The following KCNMA1 variants were observed in gnomAD, a reference collection of about 807,000 sequenced individuals.
KCNMA1 encodes the protein Calcium-activated potassium channel subunit alpha-1.
A neutral mutation model predicts 140.0 loss-of-function variants in KCNMA1; 29 were observed. That is an observed-to-expected ratio of 0.21 (90% CI 0.15 to 0.28). The LOEUF is 0.28. Ranked by LOEUF, KCNMA1 falls within the 10% of genes least tolerant of loss-of-function variation. The pLI, the probability that KCNMA1 is intolerant of heterozygous loss-of-function variation, is 1.00. For missense variants in KCNMA1, 880 were observed against 1,602.2 expected, an observed-to-expected ratio of 0.55 and a Z score of 7.70; for synonymous variants, 612 against 611.9, an observed-to-expected ratio of 1.00 and a Z score of 0.00.
intron 9 of KCNMA1, among the ~76,000 whole-genome samples, chr10:77,092,874 T>C (rs1040169210): frequency 3.9e-5 from 6 of 152,210 alleles, no homozygotes; most frequent in African/African-American, 1.4e-4. Flanking sequence ...CTAGGAAAGA[T>C]GTGTGAGAAG....
intron 1 of KCNMA1, among the ~76,000 whole-genome samples, chr10:77,536,638 G>T (rs1319656036): frequency 6.6e-6 from 1 of 152,152 alleles, no homozygotes; most frequent in African/African-American, 2.4e-5. Context: ...ACTTACTCAG[G>T]TTCCCACAGC....
intron 1 of KCNMA1, among the ~76,000 whole-genome samples, chr10:77,438,547 G>A (rs1183142086): frequency 1.4e-5 from 2 of 147,346 alleles, no homozygotes; most frequent in African/African-American, 5.0e-5. Context: ...TGGGCAACAA[G>A]AGCGAAACTC....
In KCNMA1 at chr10:77,001,815, T is replaced by C. The variant is rs1399992454; in HGVS notation, c.2093-235A>G. 5.3e-5 allele frequency among the ~76,000 whole-genome samples: 8 copies of C among 152,290 alleles called. No individual in the cohort carries two copies. The South Asian group carries it at 1.2e-3, about 24-fold the overall frequency. On this transcript the variant is annotated intron_variant, in intron 18 of 27. Transcript: ENST00000286628. Reference sequence around the variant, plus strand: ...CGTCTCCCAAGGCTGTTGCACATGATTTTTCTCCCCTAGGTAAAGCGGTGA... The same window carrying C: ...CGTCTCCCAAGGCTGTTGCACATGACTTTTCTCCCCTAGGTAAAGCGGTGA...
rs139637742 is a variant in KCNMA1 at position 77,481,051 on chromosome 10, G to A, written c.379-77028C>T. 1.5e-4 allele frequency among the ~76,000 whole-genome samples: 22 copies of A among 151,662 alleles called. No individual in the cohort carries two copies. The East Asian group carries it at 4.3e-3, about 30-fold the overall frequency. ...AGGAGAATCTCGAACCTGGAAGGGG[G>A]AGGTTCCAGTGAGCTGAGATCATGC... On this transcript the variant is annotated intron_variant, in intron 1 of 27. Coordinates refer to ENST00000286628, the MANE Select transcript of KCNMA1 (RefSeq NM_001161352.2).
chr10:77,276,967 G>A (rs1182579633), intron 2 of KCNMA1, among the ~76,000 whole-genome samples: 1 of 152,138 alleles, frequency 6.6e-6, no homozygotes. Flanking sequence ...GGGCTGTTAG[G>A]TAATTCTCCC....
intron 23 of KCNMA1, among the ~76,000 whole-genome samples, chr10:76,936,582 T>C (rs367807113): frequency 6.6e-6 from 1 of 152,096 alleles, no homozygotes; most frequent in African/African-American, 2.4e-5. Flanking sequence ...GAGAATATTG[T>C]GGTAATGAAA....
At chr10:77,241,156 G>A (rs1454101797) in intron 3 of KCNMA1, among the ~76,000 whole-genome samples, 1 of 152,124 alleles carries the variant, frequency 6.6e-6, no homozygotes, top group African/African-American at 2.4e-5. Context: ...ATCTGTCTCT[G>A]AGCATGTTTT....
chr10:77,544,443 C>T (rs1456731241), intron 1 of KCNMA1, among the ~76,000 whole-genome samples: 2 of 152,142 alleles, frequency 1.3e-5, no homozygotes, highest in African/African-American at 4.8e-5. Context: ...ACACACCAAG[C>T]TGCTGTCAAA....
intron 2 of KCNMA1, among the ~76,000 whole-genome samples, chr10:77,333,470 G>T (rs2087500929): frequency 6.6e-6 from 1 of 151,946 alleles, no homozygotes; most frequent in Non-Finnish European, 1.5e-5. Context: ...GAAAAAGAAT[G>T]GCCTGGCAAA....
At chr10:77,353,573 T>G (rs7899039) in intron 2 of KCNMA1, among the ~76,000 whole-genome samples, 2,442 of 152,122 alleles carry the variant, frequency 0.016, 71 homozygotes, top group African/African-American at 0.056. Flanking sequence ...TACAAGTGTT[T>G]TCCATATATA....
chr10:76,960,823 T>G lies in KCNMA1; in HGVS notation c.2361-6899A>C, dbSNP rs116216256. Among the ~76,000 whole-genome samples, 987 of 152,124 alleles carry G rather than the reference T, an allele frequency of 6.5e-3. 9 individuals carry two copies. The highest frequency in any genetic ancestry group is 0.023 in the African/African-American group (940 of 41,494). On this transcript the variant is annotated intron_variant, in intron 20 of 27. Transcript: ENST00000286628. ...TCCTTTGAAGCTTTGAAGTCAGGCA[T>G]TTACATCTGTTTACAGCATGATCTA...
At chr10:77,579,350 G>A (rs1354257836) in intron 1 of KCNMA1, among the ~76,000 whole-genome samples, 2 of 152,176 alleles carry the variant, frequency 1.3e-5, no homozygotes, top group African/African-American at 4.8e-5. Flanking sequence ...TACAGCTCAG[G>A]TGTGGGCAAA....
At chr10:77,488,120 C>T (rs1172693369) in intron 1 of KCNMA1, among the ~76,000 whole-genome samples, 3 of 152,170 alleles carry the variant, frequency 2.0e-5, no homozygotes, top group Non-Finnish European at 2.9e-5. Context: ...CATTAGGTGG[C>T]CCAACGATGT....
chr10:77,259,407 A>G (rs2061486971), intron 2 of KCNMA1, among the ~76,000 whole-genome samples: 1 of 151,810 alleles, frequency 6.6e-6, no homozygotes, highest in Non-Finnish European at 1.5e-5. Context: ...CTCTGTGTGC[A>G]ATGGACTGAA....
intron 1 of KCNMA1, among the ~76,000 whole-genome samples, chr10:77,564,586 A>G (rs2067504924): frequency 6.6e-6 from 1 of 152,154 alleles, no homozygotes; most frequent in African/African-American, 2.4e-5. Context: ...CTGTCTCAAA[A>G]ATAAATTTAA....
intron 1 of KCNMA1, among the ~76,000 whole-genome samples, chr10:77,541,147 T>C (rs1476392624): frequency 1.3e-5 from 2 of 151,678 alleles, no homozygotes; most frequent in African/African-American, 4.8e-5. Context: ...AAACCCAAAA[T>C]AAAACAGCAG....
At position 77,269,062 on chromosome 10, in the gene KCNMA1, T is replaced by C. The variant is rs57187539; in HGVS notation, c.541-17806A>G. Among the ~76,000 whole-genome samples, 1,269 of 152,302 alleles carry C rather than the reference T, an allele frequency of 8.3e-3. 14 individuals are homozygous for C. The highest frequency in any genetic ancestry group is 0.029 in the African/African-American group (1,207 of 41,576). On this transcript the variant is annotated intron_variant, in intron 2 of 27. Transcript: ENST00000286628. ...AGGGCAGAGTCCCCAAGTGAAGAACTGCCCCAGTTCTGGCTCAAGGAGTTG... is the reference window on the plus strand; with the variant it reads ...AGGGCAGAGTCCCCAAGTGAAGAACCGCCCCAGTTCTGGCTCAAGGAGTTG...
chr10:77,075,366 G>A (rs1235646326), intron 13 of KCNMA1, among the ~76,000 whole-genome samples: 1 of 152,218 alleles, frequency 6.6e-6, no homozygotes, highest in Non-Finnish European at 1.5e-5. Context: ...GAGAACCTGA[G>A]AGGAATGAGG....
chr10:77,161,517 T>C (rs1216953010), intron 5 of KCNMA1, among the ~76,000 whole-genome samples: 3 of 152,140 alleles, frequency 2.0e-5, no homozygotes, highest in Non-Finnish European at 4.4e-5. Flanking sequence ...GCTGCTGAGA[T>C]TACAGGTGTG....
Sources: allele counts gnomAD v4.1 joint callset (sites outside exome capture counted in the v4.1 genomes callset), GRCh38; gene constraint gnomAD v4.1.1; transcripts MANE v1.5; gene names NCBI Gene and HGNC (gene_info 2026-07-23, HGNC 2026-07-21).